IFT74: variants seen among roughly 807,000 people sequenced by gnomAD.
IFT74 encodes intraflagellar transport 74.
In IFT74, 92 loss-of-function variants were observed where a neutral mutation model predicts 96.7. The observed-to-expected ratio is 0.95, with a 90% CI of 0.80 to 1.13. The LOEUF (loss-of-function observed/expected upper bound fraction) is 1.13. Ranked by LOEUF, IFT74 falls within the 50% of genes most tolerant of loss-of-function variation. IFT74 has a pLI of 0.00. For synonymous variants in IFT74, 223 were observed against 213.2 expected (o/e 1.05, Z -0.40); for missense variants, 811 against 698.2 (o/e 1.16, Z -1.82).
At chr9:26,995,967 GT>G in intron 8 of IFT74, 1 of 756,694 alleles carries the variant, frequency 1.3e-6, no homozygotes, top group East Asian at 2.8e-5. Context: ...ATACATTGTA[GT>G]TTTCTTTAGA....
At chr9:26,957,408 T>G (rs565710681) in intron 1 of IFT74, among the ~76,000 whole-genome samples, 1 of 152,344 alleles carries the variant, frequency 6.6e-6, no homozygotes, top group Admixed American at 6.5e-5. Context: ...TACACCGTCT[T>G]CCTTTTCAAA....
chr9:26,948,055 G>C (rs1030534069), intron 1 of IFT74, among the ~76,000 whole-genome samples: 16 of 152,164 alleles, frequency 1.1e-4, no homozygotes, highest in African/African-American at 2.9e-4. Context: ...TTTCTAAATT[G>C]CTAAGCCCAA....
At position 27,064,813 on chromosome 9, in the gene IFT74, G is replaced by A. The variant is rs1052317500; in HGVS notation, c.*2077G>A. On this transcript the variant is annotated 3_prime_UTR_variant, in exon 20 of 20. Transcript: ENST00000380062. ...TGCACCCTTTTAAATAACCAACTTA[G>A]TAATTTTTACTATTAGTAATAAGGG... Among the ~76,000 whole-genome samples, 6 of 151,770 alleles carry A rather than the reference G, an allele frequency of 4.0e-5. No homozygotes were observed. Among genetic ancestry groups the A allele is most frequent in the Admixed American group, 2.0e-4 (3 of 15,236 alleles).
intron 13 of IFT74, among the ~76,000 whole-genome samples, chr9:27,038,555 G>A (rs1196786688): frequency 6.6e-6 from 1 of 152,182 alleles, no homozygotes; most frequent in Non-Finnish European, 1.5e-5. Flanking sequence ...GGGATTACAG[G>A]CGTGAGCCCA....
At chr9:27,038,719 A>G (rs1196104293) in intron 13 of IFT74, among the ~76,000 whole-genome samples, 1 of 152,246 alleles carries the variant, frequency 6.6e-6, no homozygotes, top group Non-Finnish European at 1.5e-5. Context: ...AATTCTCTAC[A>G]GGAGATGATG....
At position 27,016,794 on chromosome 9, in the gene IFT74, A is replaced by G. The variant is rs1167402476; in HGVS notation, c.790-113A>G. 5.9e-6 allele frequency: 4 copies of G among 679,554 alleles called. No individual in the cohort carries two copies. The South Asian group carries it at 7.7e-5, about 13-fold the overall frequency. 42.1% of individuals were successfully genotyped at this position (679,554 alleles called of 1,614,324 possible). ...AGTACTAATGATATTTGCTGTCTGT[A>G]TTTAAAGATGCTAGTAGTTTAAATT... is the stretch of plus-strand genomic sequence containing the variant. On this transcript the variant is annotated intron_variant, in intron 10 of 19. Coordinates refer to ENST00000380062, the MANE Select transcript of IFT74 (RefSeq NM_025103.4).
At chr9:27,060,534 G>T in intron 18 of IFT74, 57 bp from the exon 19 acceptor site, 1 of 1,095,366 alleles carries the variant, frequency 9.1e-7, no homozygotes, top group Non-Finnish European at 1.3e-6. Flanking sequence ...CTCTTAGAAA[G>T]GCATTTAATT....
At chr9:26,986,159 A>G (rs953615679) in intron 6 of IFT74, among the ~76,000 whole-genome samples, 19 of 151,436 alleles carry the variant, frequency 1.3e-4, no homozygotes, top group African/African-American at 4.4e-4. Flanking sequence ...CAAGAAATAA[A>G]CATTCTATCA....
At chr9:26,996,535 A>G in intron 8 of IFT74, 2 of 1,285,458 alleles carry the variant, frequency 1.6e-6, no homozygotes, top group Non-Finnish European at 2.0e-6. Flanking sequence ...TAGTATAGAG[A>G]AAAATAATAG....
chr9:26,971,971 T>A (rs1826900814), intron 2 of IFT74, among the ~76,000 whole-genome samples: 1 of 152,198 alleles, frequency 6.6e-6, no homozygotes, highest in Non-Finnish European at 1.5e-5. Flanking sequence ...TCAAGAGTTT[T>A]TCCATCAGTT....
rs781531286 is a variant in IFT74, at chr9:27,044,755, G to C, written c.1068G>C (p.Gln356His). The C allele has an allele frequency of 6.4e-7, 1 of 1,567,236 alleles. No individual in the cohort carries two copies. The highest frequency in any genetic ancestry group is 8.7e-7 in the Non-Finnish European group (1 of 1,146,788). ...DLEEHQGEMN[Q>H]KYKELKKREE... ...TATCTCTCATAGGTGAAATGAACCA[G>C]AAATACAAGGAGCTAAAGAAAAGGG... Residue 356 changes from glutamine (Q) to histidine (H), a missense_variant, in exon 14 of 20, where the codon CAG (glutamine) becomes CAC (histidine). Coordinates refer to ENST00000380062, the MANE Select transcript of IFT74 (RefSeq NM_025103.4).
chr9:26,958,547 T>G (rs1306308983), intron 1 of IFT74, among the ~76,000 whole-genome samples: 1 of 152,070 alleles, frequency 6.6e-6, no homozygotes, highest in African/African-American at 2.4e-5. Context: ...ACAAACTCAG[T>G]AGAACTATGT....
intron 13 of IFT74, among the ~76,000 whole-genome samples, chr9:27,040,534 G>C (rs536084054): frequency 1.3e-4 from 14 of 107,012 alleles, no homozygotes; most frequent in African/African-American, 5.3e-4. Flanking sequence ...AACAGAACGA[G>C]ACACTGTCTC....
upstream of IFT74, among the ~76,000 whole-genome samples, chr9:26,955,557 A>G (rs751993566): frequency 6.6e-6 from 1 of 152,150 alleles, no homozygotes; most frequent in South Asian, 2.1e-4. Flanking sequence ...AAGGATGACA[A>G]ATGGCCACTG....
chr9:26,971,591 G>A (rs1826880431), intron 2 of IFT74, among the ~76,000 whole-genome samples: 1 of 152,178 alleles, frequency 6.6e-6, no homozygotes, highest in South Asian at 2.1e-4. Flanking sequence ...AAGGAGTTAA[G>A]TGAAAGACAG....
intron 2 of IFT74, chr9:26,976,644 T>C (rs1827139627): frequency 2.4e-6 from 1 of 417,490 alleles, no homozygotes; most frequent in Non-Finnish European, 4.7e-6. Flanking sequence ...GTGGCATGCC[T>C]GGGCATGTAG....
intron 8 of IFT74, among the ~76,000 whole-genome samples, chr9:26,996,661 C>T (rs996267907): frequency 6.6e-6 from 1 of 152,052 alleles, no homozygotes; most frequent in Non-Finnish European, 1.5e-5. Context: ...GAATGATGCA[C>T]ATTTCTGTTT....
chr9:26,986,061 C>G (rs1417289578), intron 6 of IFT74, among the ~76,000 whole-genome samples: 1 of 152,028 alleles, frequency 6.6e-6, no homozygotes, highest in African/African-American at 2.4e-5. Flanking sequence ...TTTTTTCTAA[C>G]TCTTTAGTTG....
intron 1 of IFT74, chr9:26,947,161 G>A: frequency 8.2e-7 from 1 of 1,223,938 alleles, no homozygotes. Context: ...GGGGCGGCCG[G>A]AGACCGGAAG....
Sources: gnomAD v4.1 joint callset for allele counts (sites outside exome capture counted in the v4.1 genomes callset) on GRCh38, gnomAD v4.1.1 for gene constraint, MANE v1.5 for transcripts, NCBI Gene and HGNC (gene_info 2026-07-23, HGNC 2026-07-21) for gene names.